Variants in PXDN observed in about 807,000 individuals in gnomAD.
PXDN encodes peroxidasin homolog.
A neutral mutation model predicts 140.3 loss-of-function variants in PXDN; 77 were observed. The ratio of observed to expected loss-of-function variants is 0.55; its 90% CI spans 0.46 to 0.66. The LOEUF is 0.66. Among genes scored for constraint, PXDN ranks in the 30% least tolerant of loss-of-function variants. The pLI, the probability that PXDN is intolerant of heterozygous loss-of-function variation, is 0.00. For missense variants in PXDN, 1,838 were observed against 2,039.5 expected, an observed-to-expected ratio of 0.90 and a Z score of 1.90; for synonymous variants, 911 against 857.4, an observed-to-expected ratio of 1.06 and a Z score of -1.09.
At chr2:1,680,713 G>T (rs539668579) in intron 6 of PXDN, among the ~76,000 whole-genome samples, 1 of 152,312 alleles carries the variant, frequency 6.6e-6, no homozygotes, top group Middle Eastern at 3.4e-3. Context: ...TTGTGAAGGA[G>T]ACCAGGTGGG....
chr2:1,727,548 G>C, intron 1 of PXDN, among the ~76,000 whole-genome samples: 1 of 152,168 alleles, frequency 6.6e-6, no homozygotes, highest in Non-Finnish European at 1.5e-5. Context: ...CCAGCTCAAG[G>C]CTGGCACATG....
At chr2:1,707,390 G>A (rs1224127836) in intron 1 of PXDN, among the ~76,000 whole-genome samples, 2 of 120,148 alleles carry the variant, frequency 1.7e-5, no homozygotes, top group Non-Finnish European at 3.9e-5. Flanking sequence ...TCAGCTCTAA[G>A]CATCACCTGC....
chr2:1,733,748 C>CAAAAAAA (rs72208257), intron 1 of PXDN, among the ~76,000 whole-genome samples: 2,720 of 79,142 alleles, frequency 0.034, 219 homozygotes, highest in East Asian at 0.071. Flanking sequence ...TGTCAAATGA[C>CAAAAAAA]AAAAAAAAAA....
Position 1,634,074 on chromosome 2 carries a change from C to A in PXDN, c.*130G>T. Reference sequence around the variant, plus strand: ...TCCTGCACTGCCTTCTGTAACAGCACCAGCTGGACGTTGTCATGAAATGTC... The same window carrying A: ...TCCTGCACTGCCTTCTGTAACAGCAACAGCTGGACGTTGTCATGAAATGTC... On this transcript the variant is annotated 3_prime_UTR_variant, in exon 23 of 23. Transcript: ENST00000252804. 7.2e-7 allele frequency: 1 copy of A among 1,389,250 alleles called. No homozygotes were observed. 86.1% of individuals were successfully genotyped at this position (1,389,250 alleles called of 1,614,324 possible). A position where few individuals can be genotyped will look rare whatever the true frequency, so the allele number is the denominator to read the frequency against.
intron 9 of PXDN, among the ~76,000 whole-genome samples, chr2:1,672,421 A>G (rs1308086465): frequency 6.6e-6 from 1 of 152,244 alleles, no homozygotes; most frequent in Non-Finnish European, 1.5e-5. Context: ...ACAGTACTAC[A>G]TAACTTTTTC....
chr2:1,663,801 C>T (rs368945940), intron 11 of PXDN, 38 bp from the exon 12 acceptor site: 42 of 1,598,144 alleles, frequency 2.6e-5, no homozygotes, highest in Admixed American at 8.4e-5. Context: ...GACACTCGGA[C>T]GCATGGAGAA....
chr2:1,635,023 G>C (rs1682512690), intron 22 of PXDN, among the ~76,000 whole-genome samples: 1 of 152,216 alleles, frequency 6.6e-6, no homozygotes, highest in African/African-American at 2.4e-5. Context: ...GTGGTGGGCA[G>C]GTCAGTGTTT....
intron 17 of PXDN, among the ~76,000 whole-genome samples, chr2:1,646,972 T>G (rs949751028): frequency 6.6e-6 from 1 of 152,192 alleles, no homozygotes; most frequent in Non-Finnish European, 1.5e-5. Flanking sequence ...CTCGGCTCAC[T>G]GCAATATCTG....
At chr2:1,650,738 A>C (rs1177573101) in intron 16 of PXDN, among the ~76,000 whole-genome samples, 4 of 152,084 alleles carry the variant, frequency 2.6e-5, no homozygotes, top group Non-Finnish European at 5.9e-5. Flanking sequence ...ACACATGCAC[A>C]CACTCACATG....
rs2125412509 is a variant in PXDN at position 1,649,800 on chromosome 2, C to CCCA, written c.2105-126_2105-125insTGG. On this transcript the variant is annotated intron_variant, in intron 16 of 22. Transcript: ENST00000252804. This position sits in a 1 kb window ranked among gnomAD's most constrained non-coding sequence, Gnocchi z 7.1. ...CCCCCAGCTCATGAAACCTGTTGTG[C>CCCA]GCCATGCAACAAGCGCTTCCTGCTG... The CCCA allele has an allele frequency of 8.9e-7, 1 of 1,118,054 alleles. No homozygotes were observed. Among genetic ancestry groups the CCCA allele is most frequent in the South Asian group, 1.3e-5 (1 of 74,362 alleles). The allele number at this position is 1,118,054 out of a possible 1,614,324, so 69.3% of individuals were successfully genotyped here.
At chr2:1,690,648 C>CAAAAAAAAAA (rs35970382) in intron 3 of PXDN, among the ~76,000 whole-genome samples, 10 of 68,634 alleles carry the variant, frequency 1.5e-4, no homozygotes, top group African/African-American at 3.4e-4. Context: ...TTCAAAATAC[C>CAAAAAAAAAA]AAAAAAAAAA....
rs1399720006 is a variant in PXDN, at chr2:1,676,835, C to T, written c.848+92G>A. Reference sequence around the variant, plus strand: ...CCCTACGTGGAGGAGGAAAAGTGGACGTGGGCCTTGGTGGGGAGTGAGGTG... The same window carrying T: ...CCCTACGTGGAGGAGGAAAAGTGGATGTGGGCCTTGGTGGGGAGTGAGGTG... On this transcript the variant is annotated intron_variant, in intron 8 of 22. Coordinates refer to ENST00000252804, the MANE Select transcript of PXDN (RefSeq NM_012293.3). The T allele has an allele frequency of 1.5e-5, 18 of 1,179,954 alleles. No individual in the cohort carries two copies. The East Asian group carries it at 1.8e-4, about 12-fold the overall frequency. 73.1% of individuals were successfully genotyped at this position (1,179,954 alleles called of 1,614,324 possible). A position where few individuals can be genotyped will look rare whatever the true frequency, so the allele number is the denominator to read the frequency against.
intron 3 of PXDN, among the ~76,000 whole-genome samples, chr2:1,689,512 G>A (rs976671609): frequency 6.6e-6 from 1 of 152,148 alleles, no homozygotes; most frequent in African/African-American, 2.4e-5. Context: ...GCTGGCCGTG[G>A]TGGCTCATGC....
intron 12 of PXDN, 147 bp downstream of exon 12, chr2:1,663,458 C>A (rs748128966): frequency 1.6e-5 from 17 of 1,093,930 alleles, no homozygotes; most frequent in South Asian, 9.4e-5. Flanking sequence ...ACCCTGGGGG[C>A]ACAAGCACAA....
chr2:1,728,442 A>G (rs1349631478), intron 1 of PXDN, among the ~76,000 whole-genome samples: 1 of 152,202 alleles, frequency 6.6e-6, no homozygotes, highest in East Asian at 1.9e-4. Flanking sequence ...CACCTCGAAA[A>G]TCAGTACTTG....
intron 1 of PXDN, among the ~76,000 whole-genome samples, chr2:1,720,968 T>G (rs964493153): frequency 3.3e-5 from 5 of 152,184 alleles, no homozygotes; most frequent in African/African-American, 1.2e-4. Flanking sequence ...CCGCCTCTGC[T>G]GGTGGAATTC....
intron 1 of PXDN, among the ~76,000 whole-genome samples, chr2:1,734,428 G>A (rs1460272640): frequency 1.3e-5 from 2 of 152,202 alleles, no homozygotes; most frequent in Non-Finnish European, 2.9e-5. Flanking sequence ...GGTGGCTGCT[G>A]AAGGCTGGGG....
Position 1,733,364 on chromosome 2 carries a change from G to T in PXDN, c.200+10892C>A, listed in dbSNP as rs11127322. On this transcript the variant is annotated intron_variant, in intron 1 of 22. Coordinates refer to ENST00000252804, the MANE Select transcript of PXDN (RefSeq NM_012293.3). Reference sequence around the variant, plus strand: ...GGGATAAGGAGAAAATCTTAAAAGCGGCCAGAAACACACAGACGTTGTACT... The same window carrying T: ...GGGATAAGGAGAAAATCTTAAAAGCTGCCAGAAACACACAGACGTTGTACT... Among the ~76,000 whole-genome samples, 807 of 152,066 alleles carry T rather than the reference G, an allele frequency of 5.3e-3. 8 individuals are homozygous for T. The highest frequency in any genetic ancestry group is 0.019 in the African/African-American group (788 of 41,480).
intron 14 of PXDN, among the ~76,000 whole-genome samples, chr2:1,658,260 C>T (rs897261614): frequency 2.0e-5 from 3 of 148,702 alleles, no homozygotes; most frequent in Admixed American, 1.3e-4. Context: ...TTTACACCAT[C>T]GTCCTGACCT....
Sources: gnomAD v4.1 joint callset for allele counts (sites outside exome capture counted in the v4.1 genomes callset) on GRCh38, gnomAD v4.1.1 for gene constraint, Gnocchi (gnomAD v3.1) non-coding constraint, MANE v1.5 for transcripts, NCBI Gene and HGNC (gene_info 2026-07-23, HGNC 2026-07-21) for gene names.